Variants in DLG1 observed in about 807,000 individuals in gnomAD.
DLG1 encodes disks large homolog 1.
In DLG1, 42 loss-of-function variants were observed where a neutral mutation model predicts 123.4. That is an observed-to-expected ratio of 0.34 (90% CI 0.27 to 0.44). The LOEUF (loss-of-function observed/expected upper bound fraction) is 0.44. DLG1 is among the 20% of genes least tolerant of loss of function. The pLI is 1.00. For missense variants in DLG1, 942 were observed against 1,082.6 expected (o/e 0.87, Z 1.82); for synonymous variants, 317 against 356.2 (o/e 0.89, Z 1.24).
chr3:197,171,353 G>T (rs933798098), intron 5 of DLG1, among the ~76,000 whole-genome samples: 1 of 152,036 alleles, frequency 6.6e-6, no homozygotes, highest in African/African-American at 2.4e-5. Flanking sequence ...CTGCAAACAG[G>T]TATCTTTCAC....
chr3:197,229,623 T>C (rs1741817159), intron 4 of DLG1, among the ~76,000 whole-genome samples: 1 of 152,210 alleles, frequency 6.6e-6, no homozygotes, highest in African/African-American at 2.4e-5. Context: ...AATCTTCTAT[T>C]AACATTGCCT....
intron 12 of DLG1, among the ~76,000 whole-genome samples, chr3:197,116,891 A>T (rs916122635): frequency 2.0e-5 from 3 of 152,172 alleles, no homozygotes; most frequent in South Asian, 4.1e-4. Context: ...AGGTTTTATC[A>T]TATTAGTGAT....
chr3:197,210,094 CTG>C (rs1730558557), intron 4 of DLG1, among the ~76,000 whole-genome samples: 1 of 146,318 alleles, frequency 6.8e-6, no homozygotes, highest in African/African-American at 2.4e-5. Context: ...TCAGTGAGTT[CTG>C]TGAGTCCTTC....
At chr3:197,081,204 T>C in intron 16 of DLG1, 87 bp from the exon 17 acceptor site, 1 of 1,271,278 alleles carries the variant, frequency 7.9e-7, no homozygotes. Context: ...ATCTTTATAA[T>C]GGGCATTTTT....
At chr3:197,074,755 C>T (rs1746147206) in intron 18 of DLG1, among the ~76,000 whole-genome samples, 1 of 152,012 alleles carries the variant, frequency 6.6e-6, no homozygotes, top group East Asian at 1.9e-4. Flanking sequence ...AATAAACATA[C>T]TGTCTTCAAT....
chr3:197,069,294 A>T (rs1269751338), intron 18 of DLG1, 34 bp from the exon 19 acceptor site: 1 of 1,472,922 alleles, frequency 6.8e-7, no homozygotes, highest in East Asian at 2.4e-5. Flanking sequence ...AAAATAAAAC[A>T]GTGTCATGAG....
At chr3:197,101,313 A>G (rs1763309311) in intron 14 of DLG1, among the ~76,000 whole-genome samples, 1 of 152,214 alleles carries the variant, frequency 6.6e-6, no homozygotes. Flanking sequence ...TTGGGAGTTA[A>G]AAGAGTGAAT....
intron 4 of DLG1, among the ~76,000 whole-genome samples, chr3:197,215,951 T>C (rs964352180): frequency 1.3e-5 from 2 of 152,188 alleles, no homozygotes; most frequent in Non-Finnish European, 2.9e-5. Context: ...CTACTCAATA[T>C]TGAATAAAGG....
chr3:197,231,929 A>ACTGTGACTACATACAATTTCAAT (rs2308111), intron 4 of DLG1, among the ~76,000 whole-genome samples: 40,269 of 151,510 alleles, frequency 0.27, 5,629 homozygotes, highest in Middle Eastern at 0.38. Flanking sequence ...AACAAATTAA[A>ACTGTGACTACATACAATTTCAAT]CTGTGACTAC....
At chr3:197,064,835 C>A (rs1171054816) in intron 22 of DLG1, among the ~76,000 whole-genome samples, 1 of 151,326 alleles carries the variant, frequency 6.6e-6, no homozygotes, top group Non-Finnish European at 1.5e-5. Flanking sequence ...GAGCCAGGGT[C>A]TTGTTCTGTT....
chr3:197,101,880 G>C (rs1045550966), intron 14 of DLG1, among the ~76,000 whole-genome samples: 1 of 152,008 alleles, frequency 6.6e-6, no homozygotes, highest in African/African-American at 2.4e-5. Flanking sequence ...GCCTTGGCTG[G>C]GACTACGGGT....
chr3:197,283,825 T>C (rs1215529399), intron 3 of DLG1, among the ~76,000 whole-genome samples: 4 of 150,562 alleles, frequency 2.7e-5, no homozygotes, highest in Non-Finnish European at 1.5e-5. Context: ...CTTCACAAAA[T>C]AGAGACAAAC....
At chr3:197,059,748 TCAC>T in intron 23 of DLG1, 138 bp downstream of exon 23, 6 of 502,756 alleles carry the variant, frequency 1.2e-5, no homozygotes, top group Non-Finnish European at 2.1e-5. Flanking sequence ...TATTTAATCC[TCAC>T]CACATAATCT....
chr3:197,215,069 A>G (rs1733400318), intron 4 of DLG1, among the ~76,000 whole-genome samples: 1 of 152,204 alleles, frequency 6.6e-6, no homozygotes, highest in South Asian at 2.1e-4. Context: ...ATAACCTTTG[A>G]CTCAGGAATT....
At chr3:197,051,530 A>AG (rs1560319232) in intron 24 of DLG1, 47 bp downstream of exon 24, 1 of 1,548,004 alleles carries the variant, frequency 6.5e-7, no homozygotes, top group Non-Finnish European at 8.9e-7. Context: ...ACATGGCTTC[A>AG]AAGCAAAATT....
At chr3:197,050,450 G>A (rs1018019435) in intron 24 of DLG1, among the ~76,000 whole-genome samples, 1 of 151,900 alleles carries the variant, frequency 6.6e-6, no homozygotes, top group Non-Finnish European at 1.5e-5. Flanking sequence ...ATGTATGTAT[G>A]CATGCATATG....
chr3:197,163,991 C>T (rs1800023501), intron 5 of DLG1, among the ~76,000 whole-genome samples: 1 of 152,030 alleles, frequency 6.6e-6, no homozygotes, highest in Non-Finnish European at 1.5e-5. Flanking sequence ...TCCAAAAAAG[C>T]TTTTAAAAAT....
At chr3:197,099,569 G>T (rs903302553) in intron 14 of DLG1, among the ~76,000 whole-genome samples, 1 of 152,080 alleles carries the variant, frequency 6.6e-6, no homozygotes, top group Admixed American at 6.5e-5. Context: ...GTATGTATAC[G>T]CTTATACAAG....
At chr3:197,137,137 A>G (rs1785438286) in intron 9 of DLG1, among the ~76,000 whole-genome samples, 1 of 152,246 alleles carries the variant, frequency 6.6e-6, no homozygotes, top group South Asian at 2.1e-4. Flanking sequence ...ATTTTAAGTA[A>G]GGAATTTCTG....
Sources: gnomAD v4.1 joint callset for allele counts (sites outside exome capture counted in the v4.1 genomes callset) on GRCh38, gnomAD v4.1.1 for gene constraint, MANE v1.5 for transcripts, NCBI Gene and HGNC (gene_info 2026-07-23, HGNC 2026-07-21) for gene names.